Variants in SMAD9 observed in about 807,000 individuals in gnomAD.
SMAD9 encodes the protein MAD homolog 9.
SMAD9 carries 36 observed loss-of-function variants against 46.1 expected under a neutral mutation model. The ratio of observed to expected loss-of-function variants is 0.78; its 90% CI spans 0.60 to 1.03. The LOEUF (loss-of-function observed/expected upper bound fraction) is 1.03, where lower values mean the gene tolerates loss of function less well. Among genes scored for constraint, SMAD9 ranks in the 50% least tolerant of loss-of-function variants. The pLI, the probability that SMAD9 is intolerant of heterozygous loss-of-function variation, is 0.00. For synonymous variants in SMAD9, 245 were observed against 237.1 expected, an observed-to-expected ratio of 1.03 and a Z score of -0.31; for missense variants, 572 against 599.8, an observed-to-expected ratio of 0.95 and a Z score of 0.48.
At chr13:36,870,549 C>T (rs945512474) in intron 3 of SMAD9, among the ~76,000 whole-genome samples, 1 of 151,450 alleles carries the variant, frequency 6.6e-6, no homozygotes, top group Non-Finnish European at 1.5e-5. Context: ...CTTGCCTGGA[C>T]TGCTACAGGC....
intron 1 of SMAD9, among the ~76,000 whole-genome samples, chr13:36,890,204 A>C (rs1202353734): frequency 2.0e-5 from 3 of 152,204 alleles, no homozygotes; most frequent in Non-Finnish European, 2.9e-5. Flanking sequence ...TATACCCTTT[A>C]GTAAAATTAA....
chr13:36,883,218 A>ACG (rs1055416840), intron 1 of SMAD9, among the ~76,000 whole-genome samples: 1 of 151,868 alleles, frequency 6.6e-6, no homozygotes, highest in African/African-American at 2.4e-5. Context: ...TGATAACTCC[A>ACG]CGGCCCAGGT....
chr13:36,903,509 T>C (rs1404568327), intron 1 of SMAD9, among the ~76,000 whole-genome samples: 1 of 152,160 alleles, frequency 6.6e-6, no homozygotes, highest in Non-Finnish European at 1.5e-5. Context: ...GTATTTCAAA[T>C]GTACCAAAAC....
intron 1 of SMAD9, among the ~76,000 whole-genome samples, chr13:36,919,157 G>A (rs900542758): frequency 1.3e-5 from 2 of 152,194 alleles, no homozygotes; most frequent in African/African-American, 4.8e-5. Flanking sequence ...CTCCAGCCCA[G>A]AAATAAGTCA....
rs1245034703 is a variant in SMAD9 at position 36,849,472 on chromosome 13, A to G, written c.1261-653T>C. On this transcript the variant is annotated intron_variant, in intron 6 of 6. Coordinates refer to ENST00000379826, the MANE Select transcript of SMAD9 (RefSeq NM_001127217.3). ...GTGACTGGGAGCAGTGATTCTCTGT[A>G]GAGTTTTTTAAAACTTGGATTTCAA... 2.0e-5 allele frequency: 3 copies of G among 152,394 alleles called. No individual in the cohort carries two copies. In the East Asian group the frequency reaches 5.8e-4, roughly 29 times the overall value. 9.4% of individuals were successfully genotyped at this position (152,394 alleles called of 1,614,324 possible).
At chr13:36,912,220 T>C (rs2058667520) in intron 1 of SMAD9, among the ~76,000 whole-genome samples, 1 of 152,234 alleles carries the variant, frequency 6.6e-6, no homozygotes, top group African/African-American at 2.4e-5. Context: ...AGTTCTCCTT[T>C]GCCTACAGAT....
chr13:36,898,736 T>C (rs1452660301), intron 1 of SMAD9, among the ~76,000 whole-genome samples: 1 of 152,198 alleles, frequency 6.6e-6, no homozygotes, highest in Non-Finnish European at 1.5e-5. Flanking sequence ...TAAAAAATTA[T>C]TAATTCTCAC....
upstream of SMAD9, chr13:36,920,594 T>C (rs1484803154): frequency 6.6e-6 from 1 of 152,136 alleles, no homozygotes; most frequent in East Asian, 1.9e-4. Context: ...GGGAGCCCTT[T>C]GTCTGCGTGG....
At chr13:36,863,653 A>C (rs1345322493) in intron 5 of SMAD9, among the ~76,000 whole-genome samples, 1 of 152,072 alleles carries the variant, frequency 6.6e-6, no homozygotes, top group Non-Finnish European at 1.5e-5. Flanking sequence ...TAATGAGTGG[A>C]TTCTCACTCT....
At chr13:36,863,713 C>T (rs2070546938) in intron 5 of SMAD9, among the ~76,000 whole-genome samples, 1 of 152,084 alleles carries the variant, frequency 6.6e-6, no homozygotes, top group African/African-American at 2.4e-5. Flanking sequence ...CACCTCCCTC[C>T]CTTCTCTTTC....
chr13:36,904,509 T>G (rs2058602878), intron 1 of SMAD9, among the ~76,000 whole-genome samples: 1 of 152,182 alleles, frequency 6.6e-6, no homozygotes, highest in African/African-American at 2.4e-5. Flanking sequence ...GGAGAGAGCT[T>G]TGCCACCTGC....
At chr13:36,874,367 G>A (rs1176811121) in intron 2 of SMAD9, among the ~76,000 whole-genome samples, 5 of 152,156 alleles carry the variant, frequency 3.3e-5, no homozygotes, top group Non-Finnish European at 7.4e-5. Context: ...ACAAAGAAAT[G>A]AGAATCAACC....
At chr13:36,911,394 C>T (rs753090048) in intron 1 of SMAD9, among the ~76,000 whole-genome samples, 3 of 152,104 alleles carry the variant, frequency 2.0e-5, no homozygotes, top group Non-Finnish European at 4.4e-5. Context: ...CAATAAATTT[C>T]TTTGAAAGAC....
At chr13:36,919,772 G>T (rs930502796) in intron 1 of SMAD9, among the ~76,000 whole-genome samples, 1 of 149,960 alleles carries the variant, frequency 6.7e-6, no homozygotes, top group Admixed American at 6.6e-5. Flanking sequence ...CGAGGAAGGC[G>T]AGCTGCGCCG....
Position 36,869,777 on chromosome 13 carries a change from C to T in SMAD9, c.671-2394G>A, listed in dbSNP as rs146251697. Among the ~76,000 whole-genome samples, 568 of 151,286 alleles carry T rather than the reference C, an allele frequency of 3.8e-3. 1 individual carries two copies. Among genetic ancestry groups the T allele is most frequent in the African/African-American group, 0.012 (501 of 41,154 alleles). ...CTGGGAGGTGGAGGTTGCAGTGAGCCGAGATTGTGCCATTGCACTCCAGCC... is the reference window on the plus strand; with the variant it reads ...CTGGGAGGTGGAGGTTGCAGTGAGCTGAGATTGTGCCATTGCACTCCAGCC... On this transcript the variant is annotated intron_variant, in intron 3 of 6. Transcript: ENST00000379826.
intron 1 of SMAD9, among the ~76,000 whole-genome samples, chr13:36,906,366 C>A (rs1368420036): frequency 6.6e-6 from 1 of 151,928 alleles, no homozygotes; most frequent in African/African-American, 2.4e-5. Context: ...TGTGAAAAGA[C>A]ACTTACATAA....
intron 5 of SMAD9, among the ~76,000 whole-genome samples, chr13:36,854,372 AT>A (rs879577105): frequency 0.022 from 3,178 of 145,282 alleles, 40 homozygotes; most frequent in African/African-American, 0.033. Flanking sequence ...CACAAATTTT[AT>A]TTTTTTTTTT....
intron 1 of SMAD9, among the ~76,000 whole-genome samples, chr13:36,887,188 A>C (rs2058453461): frequency 6.7e-6 from 1 of 149,312 alleles, no homozygotes; most frequent in Admixed American, 6.7e-5. Flanking sequence ...TTTGAAAAGC[A>C]AAGAAGTTAA....
At chr13:36,898,361 A>G (rs1255923038) in intron 1 of SMAD9, among the ~76,000 whole-genome samples, 1 of 152,216 alleles carries the variant, frequency 6.6e-6, no homozygotes, top group Non-Finnish European at 1.5e-5. Context: ...AGAAGAAATT[A>G]TACACCTACT....
Sources: gnomAD v4.1 joint callset for allele counts (sites outside exome capture counted in the v4.1 genomes callset) on GRCh38, gnomAD v4.1.1 for gene constraint, MANE v1.5 for transcripts, NCBI Gene and HGNC (gene_info 2026-07-23, HGNC 2026-07-21) for gene names.